Variants in SIPA1L3 observed in about 807,000 individuals in gnomAD.
SIPA1L3 encodes signal induced proliferation associated 1 like 3.
In SIPA1L3, 59 loss-of-function variants were observed where a neutral mutation model predicts 150.1. That is an observed-to-expected ratio of 0.39 (90% CI 0.32 to 0.49). The LOEUF (loss-of-function observed/expected upper bound fraction) is 0.49. SIPA1L3 is among the 20% of genes least tolerant of loss of function. The pLI is 0.86. For missense variants in SIPA1L3, 2,211 were observed against 2,489.5 expected, an observed-to-expected ratio of 0.89 and a Z score of 2.38; for synonymous variants, 1,070 against 1,077.6, an observed-to-expected ratio of 0.99 and a Z score of 0.14.
Position 38,082,742 on chromosome 19 carries a change from G to C in SIPA1L3, c.1177G>C (p.Gly393Arg), listed in dbSNP as rs371439349. The C allele has an allele frequency of 1.2e-6, 2 of 1,612,642 alleles. No homozygotes were observed. The highest frequency in any genetic ancestry group is 2.2e-5 in the East Asian group (1 of 44,878). ...SLTASRAHSLGGLDPAFTSTE... is the reference protein window; with the variant it reads ...SLTASRAHSLRGLDPAFTSTE... ...CACGGCCTCGCGGGCCCACAGCCTC[G>C]GAGGCCTGGACCCGGCCTTCACCAG... Residue 393 changes from glycine (G) to arginine (R), a missense_variant, in exon 3 of 22, where the codon GGA (glycine) becomes CGA (arginine). By Grantham distance (125) the Gly-to-Arg change is moderately radical. Coordinates refer to ENST00000222345, the MANE Select transcript of SIPA1L3 (RefSeq NM_015073.3).
chr19:37,997,877 AAAAAG>A (rs1270624424), intron 1 of SIPA1L3, among the ~76,000 whole-genome samples: 10 of 151,922 alleles, frequency 6.6e-5, no homozygotes, highest in African/African-American at 9.6e-5. Flanking sequence ...AAAAAAAAAA[AAAAAG>A]AAAAGAAAAA....
intron 1 of SIPA1L3, among the ~76,000 whole-genome samples, chr19:37,921,316 A>G (rs1325366860): frequency 6.6e-6 from 1 of 152,128 alleles, no homozygotes; most frequent in Non-Finnish European, 1.5e-5. Flanking sequence ...TAAAATTCTT[A>G]TGCGGAAGTG....
At chr19:38,043,519 G>A (rs1968975130) in intron 2 of SIPA1L3, among the ~76,000 whole-genome samples, 1 of 152,094 alleles carries the variant, frequency 6.6e-6, no homozygotes, top group Non-Finnish European at 1.5e-5. Context: ...AACCTTCTAG[G>A]GTTGCCTTTC....
At chr19:38,055,483 C>T (rs1380216792) in intron 2 of SIPA1L3, among the ~76,000 whole-genome samples, 1 of 152,216 alleles carries the variant, frequency 6.6e-6, no homozygotes. Flanking sequence ...GCCAAAAGGT[C>T]CCATCCCCCA....
chr19:38,076,906 G>A (rs1438193706), intron 2 of SIPA1L3, among the ~76,000 whole-genome samples: 4 of 152,194 alleles, frequency 2.6e-5, no homozygotes, highest in Admixed American at 6.5e-5. Flanking sequence ...TGCAAATGCA[G>A]CTTCTATGTG....
intron 1 of SIPA1L3, among the ~76,000 whole-genome samples, chr19:37,929,488 T>C (rs1488637007): frequency 6.6e-6 from 1 of 152,216 alleles, no homozygotes. Context: ...AAAGTCCCAG[T>C]ACCACAAGAA....
At position 37,956,380 on chromosome 19, in the gene SIPA1L3, T is replaced by C. The variant is rs537801024; in HGVS notation, c.-379+49022T>C. 2.0e-5 allele frequency among the ~76,000 whole-genome samples: 3 copies of C among 152,346 alleles called. No homozygotes were observed. In the East Asian group the frequency reaches 5.8e-4, roughly 29 times the overall value. ...TGTTATTTCATTGAGTTGTAAGAGT[T>C]CTTGATATGTTCTGGATAACACTCA... is the stretch of plus-strand genomic sequence containing the variant. On this transcript the variant is annotated intron_variant, in intron 1 of 21. Coordinates refer to ENST00000222345, the MANE Select transcript of SIPA1L3 (RefSeq NM_015073.3).
At chr19:38,145,881 G>T (rs1244343309) in intron 12 of SIPA1L3, among the ~76,000 whole-genome samples, 1 of 150,202 alleles carries the variant, frequency 6.7e-6, no homozygotes. Flanking sequence ...TTTTTTTGGA[G>T]ACAAAGTCTC....
At position 38,207,038 on chromosome 19, in the gene SIPA1L3, C is replaced by G. The variant is rs936237123; in HGVS notation, c.*798C>G. On this transcript the variant is annotated 3_prime_UTR_variant, in exon 22 of 22. Transcript: ENST00000222345. ...AGGGGTCCACAGGCCCCTCCACCTT[C>G]CAGCTAACCAGGCCAGGCCGGGGCG... The G allele has an allele frequency of 9.2e-5, 14 of 152,244 alleles. No homozygotes were observed. The highest frequency in any genetic ancestry group is 3.4e-4 in the African/African-American group (14 of 41,458). 9.4% of individuals were successfully genotyped at this position (152,244 alleles called of 1,614,324 possible).
At chr19:37,914,457 C>CT (rs1317189654) in intron 1 of SIPA1L3, among the ~76,000 whole-genome samples, 6 of 151,674 alleles carry the variant, frequency 4.0e-5, no homozygotes, top group Admixed American at 6.6e-5. Flanking sequence ...GCAACCTCTG[C>CT]TTCCTGGGCT....
At chr19:38,125,331 C>T (rs990556066) in intron 9 of SIPA1L3, among the ~76,000 whole-genome samples, 4 of 152,284 alleles carry the variant, frequency 2.6e-5, no homozygotes, top group Middle Eastern at 3.4e-3. Flanking sequence ...CCACTGTGCC[C>T]GGCCAAGCCT....
intron 13 of SIPA1L3, among the ~76,000 whole-genome samples, chr19:38,153,786 TAGCC>T (rs563199394): frequency 1.5e-3 from 220 of 151,400 alleles, no homozygotes; most frequent in African/African-American, 5.1e-3. Context: ...ATACAAAAAT[TAGCC>T]AGGCGTGGTG....
intron 1 of SIPA1L3, among the ~76,000 whole-genome samples, chr19:38,026,334 T>C (rs1440616512): frequency 2.6e-5 from 4 of 152,128 alleles, no homozygotes. Context: ...GTATATATCA[T>C]GGGGCTGGTG....
chr19:37,908,564 A>G (rs1675317134), intron 1 of SIPA1L3, among the ~76,000 whole-genome samples: 1 of 151,540 alleles, frequency 6.6e-6, no homozygotes, highest in South Asian at 2.1e-4. Context: ...AGTGCTTTGC[A>G]CAAGGCCCGG....
intron 16 of SIPA1L3, among the ~76,000 whole-genome samples, chr19:38,183,913 C>G (rs1972619785): frequency 6.6e-6 from 1 of 152,118 alleles, no homozygotes; most frequent in Admixed American, 6.5e-5. Context: ...GGTTAATCCT[C>G]CCAGAGGTCG....
intron 1 of SIPA1L3, among the ~76,000 whole-genome samples, chr19:38,019,440 T>C (rs754337510): frequency 4.9e-4 from 74 of 152,208 alleles, no homozygotes; most frequent in Non-Finnish European, 4.7e-4. Flanking sequence ...AGTCCAGCTT[T>C]GCGTTTCTGC....
chr19:37,973,235 C>CTTT (rs34272056), intron 1 of SIPA1L3, among the ~76,000 whole-genome samples: 5 of 119,990 alleles, frequency 4.2e-5, no homozygotes, highest in African/African-American at 6.6e-5. Flanking sequence ...AAAAGCGCAT[C>CTTT]TTTTTTTTTT....
chr19:38,173,335 T>C (rs891254095), intron 15 of SIPA1L3, among the ~76,000 whole-genome samples: 2 of 152,174 alleles, frequency 1.3e-5, no homozygotes, highest in Non-Finnish European at 1.5e-5. Context: ...TGCCCATCGA[T>C]GACCTCACAG....
chr19:38,001,631 T>G (rs773894907), intron 1 of SIPA1L3, among the ~76,000 whole-genome samples: 3 of 152,220 alleles, frequency 2.0e-5, no homozygotes, highest in Non-Finnish European at 4.4e-5. Context: ...CTTGCTATGT[T>G]GCCCAGGCTG....
Sources: gnomAD v4.1 joint callset for allele counts (sites outside exome capture counted in the v4.1 genomes callset) on GRCh38, gnomAD v4.1.1 for gene constraint, MANE v1.5 for transcripts, NCBI Gene and HGNC (gene_info 2026-07-23, HGNC 2026-07-21) for gene names.